VAMP7: variants seen among roughly 807,000 people sequenced by gnomAD.
The protein encoded by VAMP7 is vesicle associated membrane protein 7.
Under a neutral mutation model 29.6 loss-of-function variants are expected in VAMP7, and 14 were observed. That is an observed-to-expected ratio of 0.47 (90% CI 0.31 to 0.74). VAMP7 has a LOEUF of 0.74. Among genes scored for constraint, VAMP7 ranks in the 30% least tolerant of loss-of-function variants. The pLI is 0.05. For missense variants in VAMP7, 223 were observed against 262.4 expected (o/e 0.85, Z 1.04); for synonymous variants, 95 against 88.1 (o/e 1.08, Z -0.44).
chrX:155,934,473 T>A (rs2066615632), intron 6 of VAMP7, among the ~76,000 whole-genome samples: 1 of 152,230 alleles, frequency 6.6e-6, no homozygotes. Context: ...TTTGTCTCTT[T>A]TGATCCTTGC....
At chrX:155,910,384 C>T (rs2066219653) in intron 5 of VAMP7, among the ~76,000 whole-genome samples, 1 of 152,164 alleles carries the variant, frequency 6.6e-6, no homozygotes, top group African/African-American at 2.4e-5. Context: ...GACTCCATAT[C>T]TTTGCTATTG....
At chrX:155,892,296 ACTTT>A (rs2065934465) in intron 2 of VAMP7, among the ~76,000 whole-genome samples, 1 of 152,060 alleles carries the variant, frequency 6.6e-6, no homozygotes, top group African/African-American at 2.4e-5. Context: ...CAAGCGAAAT[ACTTT>A]CTTAATTTGT....
chrX:155,911,741 TAA>T (rs2066240584), intron 5 of VAMP7, among the ~76,000 whole-genome samples: 1 of 152,196 alleles, frequency 6.6e-6, no homozygotes, highest in Admixed American at 6.5e-5. Flanking sequence ...CTTGATTTCA[TAA>T]AGTTTTATTT....
chrX:155,925,661 G>A (rs1341108333), intron 6 of VAMP7, among the ~76,000 whole-genome samples: 1 of 152,222 alleles, frequency 6.6e-6, no homozygotes, highest in African/African-American at 2.4e-5. Context: ...GGCTCGAAGT[G>A]GGGAGGGGGC....
intron 6 of VAMP7, among the ~76,000 whole-genome samples, chrX:155,936,039 C>T (rs1172506580): frequency 3.3e-5 from 5 of 150,046 alleles, no homozygotes; most frequent in African/African-American, 7.4e-5. Context: ...CCAAATGTTG[C>T]TCTCTGATCG....
At position 155,886,984 on chromosome X, in the gene VAMP7, T is replaced by G. The variant is rs1602899983; in HGVS notation, c.-9-2474T>G. ...TCTGTTCCAGGGACCATATGATTTC[T>G]TATCTCTGTTTCTCTTTGTGTTTTT... On this transcript the variant is annotated intron_variant, in intron 1 of 7. Coordinates refer to ENST00000286448, the MANE Select transcript of VAMP7 (RefSeq NM_005638.6). Among the ~76,000 whole-genome samples, 3 of 152,304 alleles carry G rather than the reference T, an allele frequency of 2.0e-5. 1 individual carries two copies. In the East Asian group the frequency reaches 5.8e-4, roughly 29 times the overall value.
At chrX:155,886,493 C>T (rs2065867247) in intron 1 of VAMP7, among the ~76,000 whole-genome samples, 1 of 152,108 alleles carries the variant, frequency 6.6e-6, no homozygotes, top group Admixed American at 6.6e-5. Flanking sequence ...TTCATTGTTC[C>T]TAGTTATATT....
At chrX:155,929,739 G>T (rs1045638324) in intron 6 of VAMP7, among the ~76,000 whole-genome samples, 25 of 152,126 alleles carry the variant, frequency 1.6e-4, no homozygotes, top group African/African-American at 6.0e-4. Flanking sequence ...GAGGTCTCAA[G>T]GCCAAATTGA....
chrX:155,889,918 CT>C (rs200440302), intron 2 of VAMP7, among the ~76,000 whole-genome samples: 3,898 of 152,044 alleles, frequency 0.026, 157 homozygotes, highest in African/African-American at 0.088. Flanking sequence ...GATAATGTTC[CT>C]TTGTTCATTC....
chrX:155,934,209 G>A (rs1056109767), intron 6 of VAMP7, among the ~76,000 whole-genome samples: 7 of 152,122 alleles, frequency 4.6e-5, no homozygotes, highest in Non-Finnish European at 1.0e-4. Flanking sequence ...GTAGATGTCT[G>A]TTAGGTCCGC....
chrX:155,916,576 G>A (rs180844623), intron 5 of VAMP7, among the ~76,000 whole-genome samples: 2 of 152,124 alleles, frequency 1.3e-5, no homozygotes, highest in African/African-American at 2.4e-5. Context: ...CTCAGCATTT[G>A]CATGTCTGTA....
chrX:155,906,723 G>C (rs1320116625), intron 5 of VAMP7, among the ~76,000 whole-genome samples: 1 of 152,028 alleles, frequency 6.6e-6, no homozygotes, highest in Non-Finnish European at 1.5e-5. Context: ...GTTTCCTTAG[G>C]ATTTTCTCTA....
intron 5 of VAMP7, among the ~76,000 whole-genome samples, chrX:155,902,379 G>A (rs1158494180): frequency 6.7e-6 from 1 of 150,184 alleles, no homozygotes; most frequent in Non-Finnish European, 1.5e-5. Flanking sequence ...CTGCCTGATT[G>A]CCCTGGCCAG....
intron 6 of VAMP7, among the ~76,000 whole-genome samples, chrX:155,922,942 C>G (rs1377969041): frequency 2.6e-5 from 4 of 151,868 alleles, no homozygotes; most frequent in Admixed American, 6.6e-5. Context: ...TCCATTATGT[C>G]TCCTTTGTCA....
intron 2 of VAMP7, 112 bp from the exon 3 acceptor site, chrX:155,895,511 A>G (rs1363650147): frequency 2.9e-6 from 2 of 701,184 alleles, no homozygotes; most frequent in Admixed American, 4.4e-5. Context: ...CTGTATCCGT[A>G]AGTAATATGG....
chrX:155,892,106 A>G (rs1202163318), intron 2 of VAMP7, among the ~76,000 whole-genome samples: 2 of 152,172 alleles, frequency 1.3e-5, no homozygotes, highest in East Asian at 3.9e-4. Flanking sequence ...ATGTAATCCA[A>G]TTAAAATGCA....
At position 155,927,076 on chromosome X, in the gene VAMP7, A is replaced by G. The variant is rs746656596; in HGVS notation, c.501+7196A>G. On this transcript the variant is annotated intron_variant, in intron 6 of 7. Transcript: ENST00000286448. ...AAAATAATGAAAAGTTTGAAATGTT[A>G]TAAGAATTACCAAAACACAGACATG... Among the ~76,000 whole-genome samples the G allele has an allele frequency of 1.2e-4, 18 of 152,282 alleles. No individual in the cohort carries two copies. In the South Asian group the frequency reaches 2.9e-3, roughly 25 times the overall value.
At chrX:155,887,903 C>T (rs1371730070) in intron 1 of VAMP7, among the ~76,000 whole-genome samples, 2 of 150,222 alleles carry the variant, frequency 1.3e-5, no homozygotes, top group Non-Finnish European at 3.0e-5. Flanking sequence ...TGCACTCTAG[C>T]CTGGAGCTTG....
intron 7 of VAMP7, among the ~76,000 whole-genome samples, chrX:155,940,065 T>A (rs2066721248): frequency 0.01 from 1 of 100 alleles, no homozygotes; most frequent in Non-Finnish European, 0.025. Context: ...AATAAAGACA[T>A]TTCTGGTTTA....
Sources: allele counts gnomAD v4.1 joint callset (sites outside exome capture counted in the v4.1 genomes callset), GRCh38; gene constraint gnomAD v4.1.1; transcripts MANE v1.5; gene names NCBI Gene and HGNC (gene_info 2026-07-23, HGNC 2026-07-21).